The following TEX9 variants were observed in gnomAD, a reference collection of about 807,000 sequenced individuals.
TEX9 encodes the protein testis-expressed protein 9.
A neutral mutation model predicts 59.6 loss-of-function variants in TEX9; 74 were observed. The ratio of observed to expected loss-of-function variants is 1.24; its 90% CI spans 1.03 to 1.51. The LOEUF (loss-of-function observed/expected upper bound fraction) is 1.51. Among genes scored for constraint, TEX9 ranks in the 40% most tolerant of loss-of-function variants. The pLI is 0.00. For synonymous variants in TEX9, 186 were observed against 152.2 expected, an observed-to-expected ratio of 1.22 and a Z score of -1.64; for missense variants, 522 against 447.8, an observed-to-expected ratio of 1.17 and a Z score of -1.49.
At chr15:56,359,223 C>T (rs181642353) in intron 1 of TEX9, among the ~76,000 whole-genome samples, 3 of 152,194 alleles carry the variant, frequency 2.0e-5, no homozygotes, top group Admixed American at 2.0e-4. Context: ...ATAAAATTTA[C>T]CATGTCAACC....
chr15:56,408,535 G>A (rs1205660501), intron 9 of TEX9: 1 of 151,988 alleles, frequency 6.6e-6, no homozygotes, highest in East Asian at 1.9e-4. Context: ...TCACATTTTT[G>A]TGTCTTGCCC....
chr15:56,274,460 G>A (rs2044622573), intron 1 of TEX9: 1 of 151,864 alleles, frequency 6.6e-6, no homozygotes, highest in Admixed American at 6.6e-5. Context: ...CTTGAATCTT[G>A]TTCTTTTGGT....
intron 8 of TEX9, 57 bp from the exon 9 acceptor site, chr15:56,394,600 CTTTG>C: frequency 8.0e-7 from 1 of 1,249,570 alleles, no homozygotes; most frequent in Non-Finnish European, 1.1e-6. Context: ...TTTTTTTCTG[CTTTG>C]TTTTGATAAC....
chr15:56,281,836 C>T (rs554401484), intron 1 of TEX9, among the ~76,000 whole-genome samples: 2 of 152,248 alleles, frequency 1.3e-5, no homozygotes, highest in East Asian at 1.9e-4. Flanking sequence ...AGTGTCCATT[C>T]CGAAGATCCG....
At chr15:56,325,970 A>G (rs1161659608) in intron 1 of TEX9, among the ~76,000 whole-genome samples, 1 of 152,142 alleles carries the variant, frequency 6.6e-6, no homozygotes, top group Admixed American at 6.5e-5. Flanking sequence ...ACGGTCCCCA[A>G]TTATTTAACA....
chr15:56,309,057 A>T (rs1352762375), intron 1 of TEX9, among the ~76,000 whole-genome samples: 1 of 152,170 alleles, frequency 6.6e-6, no homozygotes, highest in Non-Finnish European at 1.5e-5. Context: ...GAATTTTATG[A>T]TAAGCTTATC....
chr15:56,289,280 T>G (rs1350057240), intron 1 of TEX9, among the ~76,000 whole-genome samples: 10 of 152,208 alleles, frequency 6.6e-5, no homozygotes, highest in Non-Finnish European at 1.5e-4. Context: ...TGGTGTTATG[T>G]CTTCTTGTTT....
chr15:56,293,098 G>A (rs2045134612), intron 1 of TEX9, among the ~76,000 whole-genome samples: 1 of 152,136 alleles, frequency 6.6e-6, no homozygotes, highest in Admixed American at 6.5e-5. Context: ...AGTTTGGAAG[G>A]CCAAGGCAGG....
chr15:56,284,909 A>G (rs1363805762), intron 1 of TEX9, among the ~76,000 whole-genome samples: 3 of 152,272 alleles, frequency 2.0e-5, no homozygotes, highest in East Asian at 3.9e-4. Flanking sequence ...AGTATTCTCT[A>G]TATGATTTTA....
At chr15:56,403,800 C>A (rs556026199) in intron 9 of TEX9, among the ~76,000 whole-genome samples, 2 of 152,182 alleles carry the variant, frequency 1.3e-5, no homozygotes, top group East Asian at 3.8e-4. Flanking sequence ...ACCAATGGAA[C>A]AGAACAGAGC....
chr15:56,296,052 A>G (rs1481669836), intron 1 of TEX9, among the ~76,000 whole-genome samples: 2 of 152,176 alleles, frequency 1.3e-5, no homozygotes, highest in Admixed American at 1.3e-4. Flanking sequence ...CCATTTGAAT[A>G]CTAGCTTGCT....
chr15:56,358,878 A>T (rs2046738455), intron 1 of TEX9, among the ~76,000 whole-genome samples: 1 of 151,772 alleles, frequency 6.6e-6, no homozygotes, highest in Non-Finnish European at 1.5e-5. Flanking sequence ...TTCCTCTTTC[A>T]CGTACTTGCT....
At chr15:56,452,522 C>CTTT in the TEX9 span, among the ~76,000 whole-genome samples, 1 of 138,882 alleles carries the variant, frequency 7.2e-6, no homozygotes, top group South Asian at 2.3e-4. Flanking sequence ...TTCTTTTTTT[C>CTTT]TTTTTTTTTT....
chr15:56,307,309 A>C (rs1393457999), intron 1 of TEX9, among the ~76,000 whole-genome samples: 1 of 152,150 alleles, frequency 6.6e-6, no homozygotes, highest in Non-Finnish European at 1.5e-5. Context: ...GAGAGCCTGC[A>C]TCTGTTACCC....
In TEX9 at chr15:56,422,188, C is replaced by T. The variant is rs1166003417; in HGVS notation, c.964-5417C>T. ...ATGGGTGCAGCACACCAGCATAGCA[C>T]ATGTATACATATGTAACTAACCTGC... is the stretch of plus-strand genomic sequence containing the variant. On this transcript the variant is annotated intron_variant, in intron 10 of 12. Transcript: ENST00000352903. Among the ~76,000 whole-genome samples the T allele has an allele frequency of 4.6e-5, 7 of 150,690 alleles. No individual in the cohort carries two copies. In the East Asian group the frequency reaches 1.4e-3, roughly 29 times the overall value.
chr15:56,323,037 T>C (rs994408278), intron 1 of TEX9, among the ~76,000 whole-genome samples: 2 of 152,164 alleles, frequency 1.3e-5, no homozygotes, highest in Middle Eastern at 3.4e-3. Flanking sequence ...CTGAGCTCCA[T>C]AGAGACAGCA....
intron 1 of TEX9, among the ~76,000 whole-genome samples, chr15:56,246,280 C>A (rs1298847053): frequency 6.6e-6 from 1 of 152,084 alleles, no homozygotes; most frequent in Non-Finnish European, 1.5e-5. Context: ...CCTTCCAGGA[C>A]CTACAGGGAG....
At chr15:56,334,802 A>G (rs748298818) in intron 1 of TEX9, among the ~76,000 whole-genome samples, 60 of 152,198 alleles carry the variant, frequency 3.9e-4, no homozygotes, top group Non-Finnish European at 7.5e-4. Flanking sequence ...AAACAACTCC[A>G]TAGGAAAAAA....
upstream of TEX9, among the ~76,000 whole-genome samples, chr15:56,360,544 G>T (rs2046770969): frequency 6.6e-6 from 1 of 152,098 alleles, no homozygotes; most frequent in African/African-American, 2.4e-5. Flanking sequence ...TGGGACAATT[G>T]ATGACTTATT....
Sources: gnomAD v4.1 joint callset for allele counts (sites outside exome capture counted in the v4.1 genomes callset) on GRCh38, gnomAD v4.1.1 for gene constraint, MANE v1.5 for transcripts, NCBI Gene and HGNC (gene_info 2026-07-23, HGNC 2026-07-21) for gene names.